PLCG2: variants seen among roughly 807,000 people sequenced by gnomAD.
PLCG2 encodes the protein 1-phosphatidylinositol 4,5-bisphosphate phosphodiesterase gamma-2.
A neutral mutation model predicts 175.6 loss-of-function variants in PLCG2; 69 were observed. The observed-to-expected ratio is 0.39, with a 90% CI of 0.32 to 0.48. PLCG2 has a LOEUF of 0.48. Ranked by LOEUF, PLCG2 falls within the 20% of genes least tolerant of loss-of-function variation. The pLI, the probability that PLCG2 is intolerant of heterozygous loss-of-function variation, is 0.91. For missense variants in PLCG2, 1,798 were observed against 1,650.9 expected (o/e 1.09, Z -1.54); for synonymous variants, 827 against 624.0 (o/e 1.33, Z -4.85).
In PLCG2 at chr16:81,840,386, G is replaced by A. The variant is rs532861194; in HGVS notation, c.194-14058G>A. ...CCAGATTGGCCTGGGGGGATAGTGT[G>A]AGGATGATTCAAGGGCATTACATTG... is the stretch of plus-strand genomic sequence containing the variant. On this transcript the variant is annotated intron_variant, in intron 2 of 32. Coordinates refer to ENST00000564138, the MANE Select transcript of PLCG2 (RefSeq NM_002661.5). Among the ~76,000 whole-genome samples, 5 of 152,322 alleles carry A rather than the reference G, an allele frequency of 3.3e-5. No homozygotes were observed. In the South Asian group the frequency reaches 1.0e-3, roughly 32 times the overall value.
chr16:81,801,646 A>G (rs1911724282), intron 2 of PLCG2, among the ~76,000 whole-genome samples: 1 of 150,734 alleles, frequency 6.6e-6, no homozygotes, highest in Admixed American at 6.6e-5. Context: ...CCTATCTCCC[A>G]TTTTTTCGAT....
Position 81,947,442 on chromosome 16 carries a change from T to G in PLCG2, c.3570+1179T>G, listed in dbSNP as rs555602210. Among the ~76,000 whole-genome samples the G allele has an allele frequency of 3.9e-5, 6 of 152,150 alleles. No individual in the cohort carries two copies. In the South Asian group the frequency reaches 1.2e-3, roughly 32 times the overall value. On this transcript the variant is annotated intron_variant, in intron 31 of 32. Coordinates refer to ENST00000564138, the MANE Select transcript of PLCG2 (RefSeq NM_002661.5). Reference sequence around the variant, plus strand: ...TTTCTGTCCACACTGGGATGAAGAGTCGCTCTTGGAAGCCGAGCTGAATTG... The same window carrying G: ...TTTCTGTCCACACTGGGATGAAGAGGCGCTCTTGGAAGCCGAGCTGAATTG...
intron 2 of PLCG2, among the ~76,000 whole-genome samples, chr16:81,849,787 A>AC (rs1567497283): frequency 1.3e-5 from 2 of 151,268 alleles, no homozygotes. Flanking sequence ...AAAAAAAAAA[A>AC]AAAAAAAAAA....
chr16:81,754,697 C>G (rs949034282), intron 1 of PLCG2, among the ~76,000 whole-genome samples: 4 of 151,314 alleles, frequency 2.6e-5, no homozygotes, highest in African/African-American at 9.7e-5. Flanking sequence ...ACGTGTCTCC[C>G]TAGCAATGTC....
intron 2 of PLCG2, among the ~76,000 whole-genome samples, chr16:81,840,852 G>A (rs1905785203): frequency 6.6e-6 from 1 of 152,196 alleles, no homozygotes; most frequent in Non-Finnish European, 1.5e-5. Flanking sequence ...TCCCTTGGGG[G>A]TGGATCCAGC....
chr16:81,880,826 C>G, intron 7 of PLCG2, 84 bp from the exon 8 acceptor site: 1 of 1,286,300 alleles, frequency 7.8e-7, no homozygotes, highest in Non-Finnish European at 1.1e-6. Flanking sequence ...CAAAATGATG[C>G]TTTTTTAACA....
chr16:81,780,383 G>A (rs1018034220), intron 1 of PLCG2, among the ~76,000 whole-genome samples: 6 of 152,192 alleles, frequency 3.9e-5, no homozygotes, highest in Admixed American at 2.0e-4. Context: ...TCCATGGAGA[G>A]TCCTTGGGCA....
At chr16:81,911,065 A>C (rs181708369) in intron 18 of PLCG2, among the ~76,000 whole-genome samples, 1 of 152,184 alleles carries the variant, frequency 6.6e-6, no homozygotes, top group Admixed American at 6.5e-5. Context: ...ATGAACAAGG[A>C]AACAATGATT....
At chr16:81,767,213 C>T (rs1396768478) in intron 2 of PLCG2, among the ~76,000 whole-genome samples, 2 of 137,036 alleles carry the variant, frequency 1.5e-5, no homozygotes, top group Non-Finnish European at 3.0e-5. Context: ...GGTGCAATCT[C>T]GGCTCACTGC....
In PLCG2 at chr16:81,783,065, A is replaced by G. The variant is rs117991680; in HGVS notation, c.-47-2878A>G. On this transcript the variant is annotated intron_variant, in intron 1 of 32. Coordinates refer to ENST00000564138, the MANE Select transcript of PLCG2 (RefSeq NM_002661.5). ...GGGACCCTGGGGAAGGTTAAGTCCAAGGCCCTCCCAGAGTGAGGGCTGGAA... is the reference window on the plus strand; with the variant it reads ...GGGACCCTGGGGAAGGTTAAGTCCAGGGCCCTCCCAGAGTGAGGGCTGGAA... 2,282 of 458,684 alleles carry G rather than the reference A, an allele frequency of 5.0e-3. 8 individuals are homozygous for G. Among genetic ancestry groups the G allele is most frequent in the Non-Finnish European group, 7.2e-3 (1,652 of 228,818 alleles). 28.4% of individuals were successfully genotyped at this position (458,684 alleles called of 1,614,324 possible).
chr16:81,839,490 C>A (rs1197964751), intron 2 of PLCG2, among the ~76,000 whole-genome samples: 1 of 152,066 alleles, frequency 6.6e-6, no homozygotes, highest in Admixed American at 6.5e-5. Context: ...ATGAGCCCTT[C>A]CTTTATTGCC....
At chr16:81,948,609 A>G (rs1322353925) in intron 31 of PLCG2, among the ~76,000 whole-genome samples, 2 of 152,182 alleles carry the variant, frequency 1.3e-5, no homozygotes, top group Admixed American at 1.3e-4. Flanking sequence ...AGAATCCTGG[A>G]GGTCCAGGAC....
At chr16:81,893,451 C>A (rs1437918093) in intron 11 of PLCG2, among the ~76,000 whole-genome samples, 1 of 152,210 alleles carries the variant, frequency 6.6e-6, no homozygotes, top group African/African-American at 2.4e-5. Flanking sequence ...AGAACACGTC[C>A]TCTCCACGCT....
At chr16:81,785,786 C>T (rs1455742082) in intron 1 of PLCG2, 157 bp from the exon 2 acceptor site, 3 of 555,668 alleles carry the variant, frequency 5.4e-6, no homozygotes, top group Non-Finnish European at 9.6e-6. Flanking sequence ...CCTGCCTTAG[C>T]TCTCTGAGTG....
chr16:81,925,224 C>T (rs554974884), intron 22 of PLCG2, among the ~76,000 whole-genome samples: 2 of 152,332 alleles, frequency 1.3e-5, no homozygotes, highest in African/African-American at 4.8e-5. Flanking sequence ...TGGTCAATTC[C>T]TCTCTCTGAT....
chr16:81,882,108 T>A (rs1908109975), intron 8 of PLCG2, among the ~76,000 whole-genome samples: 2 of 152,208 alleles, frequency 1.3e-5, no homozygotes, highest in South Asian at 4.1e-4. Flanking sequence ...TCTCTTACAC[T>A]ATTTGAAATA....
At chr16:81,863,236 C>G (rs540349751) in intron 5 of PLCG2, among the ~76,000 whole-genome samples, 1 of 152,356 alleles carries the variant, frequency 6.6e-6, no homozygotes, top group Admixed American at 6.5e-5. Flanking sequence ...GAAATCACCA[C>G]TCTACTGTCT....
At chr16:81,852,549 G>T (rs1906471902) in intron 2 of PLCG2, among the ~76,000 whole-genome samples, 2 of 152,244 alleles carry the variant, frequency 1.3e-5, no homozygotes, top group South Asian at 2.1e-4. Context: ...GGGGAAGGAG[G>T]AGTCACCTTT....
At chr16:81,846,198 G>A (rs1357117254) in intron 2 of PLCG2, among the ~76,000 whole-genome samples, 1 of 151,264 alleles carries the variant, frequency 6.6e-6, no homozygotes, top group Non-Finnish European at 1.5e-5. Flanking sequence ...TGTAGTGGCT[G>A]TAAGCCAAGC....
Sources: gnomAD v4.1 joint callset for allele counts (sites outside exome capture counted in the v4.1 genomes callset) on GRCh38, gnomAD v4.1.1 for gene constraint, MANE v1.5 for transcripts, NCBI Gene and HGNC (gene_info 2026-07-23, HGNC 2026-07-21) for gene names.